MB21D2: variants seen among roughly 807,000 people sequenced by gnomAD.
The protein encoded by MB21D2 is nucleotidyltransferase MB21D2.
In MB21D2, 9 loss-of-function variants were observed where a neutral mutation model predicts 33.3. The ratio of observed to expected loss-of-function variants is 0.27; its 90% CI spans 0.16 to 0.47. The LOEUF (loss-of-function observed/expected upper bound fraction) is 0.47. Among genes scored for constraint, MB21D2 ranks in the 20% least tolerant of loss-of-function variants. The probability of loss-of-function intolerance (pLI) is 0.99; values close to 1 mark genes in which losing one functional copy is unlikely to be tolerated. For missense variants in MB21D2, 540 were observed against 624.6 expected, an observed-to-expected ratio of 0.86 and a Z score of 1.44; for synonymous variants, 241 against 236.3, an observed-to-expected ratio of 1.02 and a Z score of -0.18.
In MB21D2 at chr3:192,823,055, A is replaced by G. The variant is rs566265690; in HGVS notation, c.212-23405T>C. Among the ~76,000 whole-genome samples the G allele has an allele frequency of 3.9e-5, 6 of 152,338 alleles. No homozygotes were observed. In the South Asian group the frequency reaches 1.2e-3, roughly 32 times the overall value. On this transcript the variant is annotated intron_variant, in intron 1 of 1. Transcript: ENST00000392452. ...ATGATAAAATATAATAAAATACGCC[A>G]TATCTGATACATTTATAAGCCAGTA...
chr3:192,900,898 G>A (rs555571082), intron 1 of MB21D2, among the ~76,000 whole-genome samples: 8 of 150,664 alleles, frequency 5.3e-5, no homozygotes, highest in African/African-American at 2.0e-4. Flanking sequence ...CTGAGATCGC[G>A]CCACTGCACT....
chr3:192,800,464 G>C (rs1019221112), intron 1 of MB21D2, among the ~76,000 whole-genome samples: 2 of 152,198 alleles, frequency 1.3e-5, no homozygotes, highest in Non-Finnish European at 2.9e-5. Context: ...TAGCAGCAAA[G>C]ACACTGATGC....
chr3:192,907,087 A>T (rs116204719), intron 1 of MB21D2, among the ~76,000 whole-genome samples: 3,508 of 152,302 alleles, frequency 0.023, 49 homozygotes, highest in Middle Eastern at 0.054. Flanking sequence ...AATTCATGAA[A>T]AGGCACTTAA....
Position 192,797,133 on chromosome 3 carries a change from G to A in MB21D2, c.*1253C>T, listed in dbSNP as rs1720539792. ...GCCAATACCTTCCAGCACCTAATCAGGCAAGTAACTTCACTCATGAAGACA... is the reference window on the plus strand; with the variant it reads ...GCCAATACCTTCCAGCACCTAATCAAGCAAGTAACTTCACTCATGAAGACA... On this transcript the variant is annotated 3_prime_UTR_variant, in exon 2 of 2. Coordinates refer to ENST00000392452, the MANE Select transcript of MB21D2 (RefSeq NM_178496.4). 1 of 152,620 alleles carries A rather than the reference G, an allele frequency of 6.6e-6. No individual in the cohort carries two copies. Among genetic ancestry groups the A allele is most frequent in the South Asian group, 2.1e-4 (1 of 4,828 alleles). 9.5% of individuals were successfully genotyped at this position (152,620 alleles called of 1,614,324 possible). A position where few individuals can be genotyped will look rare whatever the true frequency, so the allele number is the denominator to read the frequency against.
At chr3:192,864,623 T>C (rs2005341) in intron 1 of MB21D2, among the ~76,000 whole-genome samples, 94,104 of 152,002 alleles carry the variant, frequency 0.62, 31,334 homozygotes, top group African/African-American at 0.87. Flanking sequence ...TCTCCTGCCT[T>C]GGCCTCCCAA....
chr3:192,831,032 T>C (rs1712303914), intron 1 of MB21D2, among the ~76,000 whole-genome samples: 1 of 152,238 alleles, frequency 6.6e-6, no homozygotes, highest in Admixed American at 6.5e-5. Flanking sequence ...TACCCTTGCG[T>C]AGTCCCCTCA....
rs375817832 is a variant in MB21D2, at chr3:192,872,570, C to T, written c.211+45060G>A. On this transcript the variant is annotated intron_variant, in intron 1 of 1. Transcript: ENST00000392452. ...CAGCCTGGGCCACAGAGCGAGACTC[C>T]GTCTCAAAAAAAAAAAAAAAAGTTG... Among the ~76,000 whole-genome samples the T allele has an allele frequency of 7.3e-3, 785 of 108,068 alleles. 8 individuals are homozygous for T. The highest frequency in any genetic ancestry group is 0.034 in the African/African-American group (716 of 21,004). 70.9% of individuals were successfully genotyped at this position (108,068 alleles called of 152,430 possible).
intron 1 of MB21D2, among the ~76,000 whole-genome samples, chr3:192,871,426 G>C (rs942501586): frequency 6.6e-6 from 1 of 152,150 alleles, no homozygotes; most frequent in Non-Finnish European, 1.5e-5. Flanking sequence ...CCGACACTGA[G>C]AGGGATACAG....
At chr3:192,827,812 GA>G (rs1198032936) in intron 1 of MB21D2, among the ~76,000 whole-genome samples, 2 of 152,080 alleles carry the variant, frequency 1.3e-5, no homozygotes, top group Admixed American at 6.5e-5. Flanking sequence ...TATGTGCATA[GA>G]AGTTCACTGG....
intron 1 of MB21D2, among the ~76,000 whole-genome samples, chr3:192,889,374 G>C (rs966253536): frequency 2.0e-5 from 3 of 152,072 alleles, no homozygotes; most frequent in African/African-American, 7.3e-5. Context: ...CAGACCCAGA[G>C]AGCAGGAGCT....
At position 192,917,808 on chromosome 3, in the gene MB21D2, T is replaced by G; in HGVS notation, c.33A>C (p.Ala11=). The part of the protein sequence containing the change: MKMAAPTANK[A]ASLGCNNKPA... The stretch of plus-strand genomic sequence containing the variant: ...GCTTGTTGTTACAGCCCAGGGAGGC[T>G]GCCTTGTTGGCGGTGGGAGCCGCCA... The change falls in exon 1 of 2, where the codon GCA becomes GCC. Residue 11 remains alanine, a synonymous_variant. Coordinates refer to ENST00000392452, the MANE Select transcript of MB21D2 (RefSeq NM_178496.4). 6.2e-7 allele frequency: 1 copy of G among 1,611,702 alleles called. No homozygotes were observed. The highest frequency in any genetic ancestry group is 8.5e-7 in the Non-Finnish European group (1 of 1,179,090).
intron 1 of MB21D2, among the ~76,000 whole-genome samples, chr3:192,880,240 C>T (rs1021904962): frequency 4.0e-5 from 6 of 150,826 alleles, no homozygotes; most frequent in Admixed American, 2.0e-4. Context: ...CCAGCTACTC[C>T]GGAGGCTGAG....
chr3:192,911,017 G>T (rs967285471), intron 1 of MB21D2, among the ~76,000 whole-genome samples: 73 of 152,288 alleles, frequency 4.8e-4, no homozygotes, highest in African/African-American at 1.7e-3. Context: ...AGAAACTGAG[G>T]CTTAAAGTCT....
At chr3:192,805,578 T>C (rs979489779) in intron 1 of MB21D2, among the ~76,000 whole-genome samples, 1 of 152,168 alleles carries the variant, frequency 6.6e-6, no homozygotes, top group Non-Finnish European at 1.5e-5. Flanking sequence ...AAAGGAGTCT[T>C]TCTTAGTATT....
At chr3:192,891,871 A>G (rs932030326) in intron 1 of MB21D2, among the ~76,000 whole-genome samples, 2 of 152,078 alleles carry the variant, frequency 1.3e-5, no homozygotes, top group African/African-American at 4.8e-5. Flanking sequence ...AAAAACTCTA[A>G]AAGCTGTGAA....
chr3:192,871,496 A>G (rs1317355868), intron 1 of MB21D2, among the ~76,000 whole-genome samples: 1 of 152,360 alleles, frequency 6.6e-6, no homozygotes, highest in African/African-American at 2.4e-5. Context: ...TGTTCTATAA[A>G]GAAGAGCTGA....
At chr3:192,907,647 T>C (rs1714241855) in intron 1 of MB21D2, among the ~76,000 whole-genome samples, 1 of 152,186 alleles carries the variant, frequency 6.6e-6, no homozygotes. Flanking sequence ...CTAAGGATAA[T>C]ACCATACCAA....
rs564372546 is a variant in MB21D2 at position 192,896,449 on chromosome 3, C to A, written c.211+21181G>T. Among the ~76,000 whole-genome samples the A allele has an allele frequency of 2.4e-5, 3 of 125,772 alleles. No homozygotes were observed. In the East Asian group the frequency reaches 6.5e-4, roughly 27 times the overall value. 82.5% of individuals were successfully genotyped at this position (125,772 alleles called of 152,430 possible). A position where few individuals can be genotyped will look rare whatever the true frequency, so the allele number is the denominator to read the frequency against. The stretch of plus-strand genomic sequence containing the variant: ...GTACACTGCAACTTCGACCTCTGGG[C>A]CACAAGTGATCCACCCACCTCAGCC... On this transcript the variant is annotated intron_variant, in intron 1 of 1. Coordinates refer to ENST00000392452, the MANE Select transcript of MB21D2 (RefSeq NM_178496.4).
At chr3:192,833,420 A>T (rs1222650681) in intron 1 of MB21D2, among the ~76,000 whole-genome samples, 2 of 152,236 alleles carry the variant, frequency 1.3e-5, no homozygotes, top group African/African-American at 4.8e-5. Context: ...TTTTTTCTGC[A>T]AAAACAAAAC....
Sources: allele counts gnomAD v4.1 joint callset (sites outside exome capture counted in the v4.1 genomes callset), GRCh38; gene constraint gnomAD v4.1.1; transcripts MANE v1.5; gene names NCBI Gene and HGNC (gene_info 2026-07-23, HGNC 2026-07-21).